Variants in AKAP6 observed in about 807,000 individuals in gnomAD.
The protein encoded by AKAP6 is A-kinase anchoring protein 6, also known as A-kinase anchor protein 6.
In AKAP6, 58 loss-of-function variants were observed where a neutral mutation model predicts 188.5. That is an observed-to-expected ratio of 0.31 (90% CI 0.25 to 0.38). The LOEUF is 0.38. AKAP6 is among the 10% of genes least tolerant of loss of function. The pLI, the probability that AKAP6 is intolerant of heterozygous loss-of-function variation, is 1.00. For synonymous variants in AKAP6, 989 were observed against 998.6 expected (o/e 0.99, Z 0.18); for missense variants, 2,710 against 2,740.0 (o/e 0.99, Z 0.24).
chr14:32,524,725 C>G (rs752609450), intron 2 of AKAP6, among the ~76,000 whole-genome samples: 2 of 152,138 alleles, frequency 1.3e-5, no homozygotes, highest in Admixed American at 1.3e-4. Flanking sequence ...GGCTACCTTT[C>G]AAGTGCTGGG....
rs1426112829 is a variant in AKAP6, at chr14:32,763,354, C to T, written c.3373-10324C>T. Among the ~76,000 whole-genome samples the T allele has an allele frequency of 3.3e-5, 5 of 152,046 alleles. No homozygotes were observed. In the South Asian group the frequency reaches 6.2e-4, roughly 19 times the overall value. ...ATATCAATACCTTTTCCATAATTAG[C>T]AATAAGGATCCTGCCAAGGGTTAAC... On this transcript the variant is annotated intron_variant, in intron 11 of 13. Coordinates refer to ENST00000280979, the MANE Select transcript of AKAP6 (RefSeq NM_004274.5).
chr14:32,514,937 C>A (rs367594519), intron 2 of AKAP6, among the ~76,000 whole-genome samples: 1 of 152,150 alleles, frequency 6.6e-6, no homozygotes, highest in African/African-American at 2.4e-5. Flanking sequence ...GAACCATAGA[C>A]CTTTCCTCCT....
At position 32,335,842 on chromosome 14, in the gene AKAP6, CTTTTT is replaced by C. The variant is rs375076849; in HGVS notation, c.-35+6453_-35+6457del. Reference sequence around the variant, plus strand: ...TTTTTTTTAATACTATCCTTTTCTCCTTTTTTTTTTTTTTTTTTTTTTTAATTCTC... The same window carrying C: ...TTTTTTTTAATACTATCCTTTTCTCCTTTTTTTTTTTTTTTTTTAATTCTC... On this transcript the variant is annotated intron_variant, in intron 1 of 13. Transcript: ENST00000280979. Among the ~76,000 whole-genome samples the C allele has an allele frequency of 1.4e-3, 127 of 94,000 alleles. 3 individuals carry two copies. The East Asian group carries it at 0.03, about 22-fold the overall frequency. 61.7% of individuals were successfully genotyped at this position (94,000 alleles called of 152,430 possible). A position where few individuals can be genotyped will look rare whatever the true frequency, so the allele number is the denominator to read the frequency against.
chr14:32,798,233 G>A (rs933736404), intron 12 of AKAP6, among the ~76,000 whole-genome samples: 2 of 152,114 alleles, frequency 1.3e-5, no homozygotes, highest in Admixed American at 6.6e-5. Context: ...TTATTAAAAA[G>A]TCAAAAAATA....
At chr14:32,542,814 T>C (rs1487851326) in intron 3 of AKAP6, among the ~76,000 whole-genome samples, 2 of 152,250 alleles carry the variant, frequency 1.3e-5, no homozygotes, top group African/African-American at 4.8e-5. Flanking sequence ...TACTTATCTA[T>C]GACATCGTTG....
chr14:32,687,728 T>C (rs1315886462), intron 8 of AKAP6, among the ~76,000 whole-genome samples: 1 of 152,102 alleles, frequency 6.6e-6, no homozygotes, highest in African/African-American at 2.4e-5. Flanking sequence ...AGAAGATCAG[T>C]GTTCAATTCA....
Position 32,773,791 on chromosome 14 carries a change from C to T in AKAP6, c.3486C>T (p.Pro1162=). The change falls in exon 12 of 14, where the codon CCC becomes CCT. Residue 1162 remains proline, a synonymous_variant. Transcript: ENST00000280979. The part of the protein sequence containing the change: ...ETCNLNADHQ[P]MQLIIVNLER... ...GCAATCTGAATGCAGACCACCAGCC[C>T]ATGCAGCTGATCATTGTAAATCTTG... 1 of 1,614,140 alleles carries T rather than the reference C, an allele frequency of 6.2e-7. No homozygotes were observed. The highest frequency in any genetic ancestry group is 8.5e-7 in the Non-Finnish European group (1 of 1,179,994).
chr14:32,410,345 G>C (rs1285145837), intron 1 of AKAP6, among the ~76,000 whole-genome samples: 1 of 152,080 alleles, frequency 6.6e-6, no homozygotes, highest in Admixed American at 6.6e-5. Flanking sequence ...CAGGTCTTTA[G>C]ATAAACTTAA....
At chr14:32,719,210 A>G (rs1272783629) in intron 9 of AKAP6, among the ~76,000 whole-genome samples, 1 of 152,176 alleles carries the variant, frequency 6.6e-6, no homozygotes, top group East Asian at 1.9e-4. Context: ...TGGCACTTGC[A>G]TTGTGTTTTG....
At chr14:32,536,879 G>A (rs753451131) in intron 3 of AKAP6, among the ~76,000 whole-genome samples, 17 of 152,172 alleles carry the variant, frequency 1.1e-4, no homozygotes, top group Non-Finnish European at 1.8e-4. Context: ...CATGTAGGGA[G>A]TGGTGGGTGT....
At chr14:32,587,310 ATT>A (rs1190050956) in intron 5 of AKAP6, among the ~76,000 whole-genome samples, 4 of 152,120 alleles carry the variant, frequency 2.6e-5, no homozygotes, top group African/African-American at 9.7e-5. Flanking sequence ...TTTAAAAAGT[ATT>A]CTGGGGTTCT....
At chr14:32,696,200 T>G in intron 9 of AKAP6, 90 bp downstream of exon 9, 1 of 1,471,778 alleles carries the variant, frequency 6.8e-7, no homozygotes, top group Non-Finnish European at 9.0e-7. Context: ...ATCTTTTCGT[T>G]CATTGTATGT....
intron 1 of AKAP6, among the ~76,000 whole-genome samples, chr14:32,331,705 G>A (rs117050798): frequency 0.014 from 2,171 of 152,142 alleles, 36 homozygotes; most frequent in Non-Finnish European, 0.02. Context: ...GTGTGTGTGT[G>A]TATAGGGGAA....
chr14:32,658,806 A>G (rs1260333783), intron 7 of AKAP6, among the ~76,000 whole-genome samples: 1 of 150,388 alleles, frequency 6.6e-6, no homozygotes, highest in East Asian at 1.9e-4. Context: ...GCCTAACTAT[A>G]TTTCTTTCTT....
At chr14:32,671,382 C>G (rs1234432158) in intron 7 of AKAP6, among the ~76,000 whole-genome samples, 3 of 151,796 alleles carry the variant, frequency 2.0e-5, no homozygotes. Context: ...TTGTAAACAG[C>G]AAGTATAAAC....
intron 12 of AKAP6, among the ~76,000 whole-genome samples, chr14:32,809,880 G>A (rs1351519528): frequency 2.0e-5 from 3 of 152,108 alleles, no homozygotes; most frequent in Non-Finnish European, 4.4e-5. Flanking sequence ...GAGAAATATT[G>A]TTGATTTGGT....
At chr14:32,353,687 A>G (rs562733509) in intron 1 of AKAP6, among the ~76,000 whole-genome samples, 39 of 152,328 alleles carry the variant, frequency 2.6e-4, no homozygotes, top group African/African-American at 9.1e-4. Context: ...TGCAGATGAC[A>G]TGATTGTATA....
intron 8 of AKAP6, among the ~76,000 whole-genome samples, chr14:32,683,045 G>C (rs1045539125): frequency 5.4e-5 from 8 of 148,714 alleles, no homozygotes; most frequent in African/African-American, 7.6e-5. Flanking sequence ...CCAGGCTGGA[G>C]TGCAGTGGCG....
chr14:32,490,377 A>G (rs982128466), intron 2 of AKAP6, among the ~76,000 whole-genome samples: 2 of 152,172 alleles, frequency 1.3e-5, no homozygotes, highest in Non-Finnish European at 2.9e-5. Flanking sequence ...AAATTAATAT[A>G]TTCAGATCAC....
Sources: gnomAD v4.1 joint callset for allele counts (sites outside exome capture counted in the v4.1 genomes callset) on GRCh38, gnomAD v4.1.1 for gene constraint, MANE v1.5 for transcripts, NCBI Gene and HGNC (gene_info 2026-07-23, HGNC 2026-07-21) for gene names.